ABCA6: variants seen among roughly 807,000 people sequenced by gnomAD.
ABCA6 encodes the protein ATP binding cassette subfamily A member 6.
Under a neutral mutation model 191.2 loss-of-function variants are expected in ABCA6, and 164 were observed. That is an observed-to-expected ratio of 0.86 (90% CI 0.76 to 0.98). ABCA6 has a LOEUF of 0.98. Among genes scored for constraint, ABCA6 ranks in the 50% least tolerant of loss-of-function variants. The pLI, the probability that ABCA6 is intolerant of heterozygous loss-of-function variation, is 0.00. For missense variants in ABCA6, 1,958 were observed against 1,894.1 expected (o/e 1.03, Z -0.63); for synonymous variants, 636 against 647.7 (o/e 0.98, Z 0.27).
Position 69,127,853 on chromosome 17 carries a change from CA to C in ABCA6, c.1119+765del, listed in dbSNP as rs532786788. Among the ~76,000 whole-genome samples the C allele has an allele frequency of 1.4e-4, 22 of 151,992 alleles. No individual in the cohort carries two copies. The East Asian group carries it at 3.9e-3, about 27-fold the overall frequency. On this transcript the variant is annotated intron_variant, in intron 8 of 38. Coordinates refer to ENST00000284425, the MANE Select transcript of ABCA6 (RefSeq NM_080284.3). ...TTGTAGCAGCTTTATTAAAAATGCTCAAAAACTAAAAATTATCATAATCTAT... is the reference window on the plus strand; with the variant it reads ...TTGTAGCAGCTTTATTAAAAATGCTCAAAACTAAAAATTATCATAATCTAT...
Position 69,097,909 on chromosome 17 carries a change from CT to C in ABCA6, c.3120+10del. ...TTCCTGAAATTTCTTCTTTTCCCTGCTTTTTCTTACCTTGTAATCACTGATG... is the reference window on the plus strand; with the variant it reads ...TTCCTGAAATTTCTTCTTTTCCCTGCTTTTCTTACCTTGTAATCACTGATG... On this transcript the variant is annotated intron_variant, in intron 23 of 38. Coordinates refer to ENST00000284425, the MANE Select transcript of ABCA6 (RefSeq NM_080284.3). 6.4e-7 allele frequency: 1 copy of C among 1,559,282 alleles called. No homozygotes were observed. The highest frequency in any genetic ancestry group is 8.7e-7 in the Non-Finnish European group (1 of 1,156,038).
chr17:69,125,257 G>A (rs2073729346), intron 8 of ABCA6, among the ~76,000 whole-genome samples: 1 of 151,508 alleles, frequency 6.6e-6, no homozygotes, highest in Non-Finnish European at 1.5e-5. Context: ...AATGTTCTAA[G>A]TATAATAATT....
intron 15 of ABCA6, chr17:69,112,523 G>A: frequency 2.6e-6 from 1 of 380,726 alleles, no homozygotes; most frequent in East Asian, 4.9e-5. Flanking sequence ...TGGAACTGGA[G>A]TCTATTATCA....
At position 69,105,524 on chromosome 17, in the gene ABCA6, A is replaced by G. The variant is rs2073278939; in HGVS notation, c.2678T>C (p.Phe893Ser). Residue 893 changes from phenylalanine (F) to serine (S), a missense_variant, in exon 20 of 39, where the codon TTT becomes TCT. Coordinates refer to ENST00000284425, the MANE Select transcript of ABCA6 (RefSeq NM_080284.3). ...IDWEFKNELY[F>S]LSPGQLPQEP... Reference sequence around the variant, plus strand: ...CTGGGGAAGTTGTCCAGGAGAGAGAAAATACAATTCGTTTTTAAATTCCCA... The same window carrying G: ...CTGGGGAAGTTGTCCAGGAGAGAGAGAATACAATTCGTTTTTAAATTCCCA... 1.2e-6 allele frequency: 2 copies of G among 1,611,222 alleles called. No homozygotes were observed. Among genetic ancestry groups the G allele is most frequent in the East Asian group, 4.5e-5 (2 of 44,826 alleles).
In ABCA6 at chr17:69,137,320, T is replaced by C; in HGVS notation, c.277A>G (p.Thr93Ala). Reference protein sequence around the residue: ...SNLTQQIMNKTALAPLLKGTS... With the variant: ...SNLTQQIMNKAALAPLLKGTS... ...CCTTTCAAAAGAGGAGCAAGTGCTGTTTTATTCATTATCTGCTGGGTTAAA... is the reference window on the plus strand; with the variant it reads ...CCTTTCAAAAGAGGAGCAAGTGCTGCTTTATTCATTATCTGCTGGGTTAAA... Residue 93 changes from threonine (T) to alanine (A), a missense_variant, in exon 3 of 39, where the codon ACA (threonine) becomes GCA (alanine). Transcript: ENST00000284425. 6.2e-7 allele frequency: 1 copy of C among 1,613,032 alleles called. No homozygotes were observed. The highest frequency in any genetic ancestry group is 8.5e-7 in the Non-Finnish European group (1 of 1,179,642).
At position 69,088,166 on chromosome 17, in the gene ABCA6, C is replaced by T; in HGVS notation, c.3698+1G>A. ...AGTATAAAGTTAAATTTCACCCCAA[C>T]CTGAAAACAGGATCTTTTCGCATTC... is the stretch of plus-strand genomic sequence containing the variant. On this transcript the variant is annotated splice_donor_variant, in intron 28 of 38. Coordinates refer to ENST00000284425, the MANE Select transcript of ABCA6 (RefSeq NM_080284.3). LOFTEE classifies it high-confidence loss of function. The T allele has an allele frequency of 6.2e-7, 1 of 1,609,220 alleles. No individual in the cohort carries two copies. The highest frequency in any genetic ancestry group is 8.5e-7 in the Non-Finnish European group (1 of 1,177,546).
In ABCA6 at chr17:69,106,144, G is replaced by C; in HGVS notation, c.2457C>G (p.Ser819=). The C allele has an allele frequency of 6.2e-7, 1 of 1,613,912 alleles. No individual in the cohort carries two copies. The highest frequency in any genetic ancestry group is 8.5e-7 in the Non-Finnish European group (1 of 1,179,886). Reference sequence around the variant, plus strand: ...TCACAGCTGTCTGCATTTCAGAGAAGGAAGAGTGAGCCAGCTCCATTTCAT... The same window carrying C: ...TCACAGCTGTCTGCATTTCAGAGAACGAAGAGTGAGCCAGCTCCATTTCAT... ...SLNEMELAHS[S]FSEMQTAVSD... Residue 819 remains serine (S), a synonymous_variant, in exon 19 of 39, where the codon TCC becomes TCG. Coordinates refer to ENST00000284425, the MANE Select transcript of ABCA6 (RefSeq NM_080284.3).
intron 36 of ABCA6, 30 bp from the exon 37 acceptor site, chr17:69,081,175 C>A: frequency 7.6e-7 from 1 of 1,313,068 alleles, no homozygotes; most frequent in South Asian, 1.4e-5. Context: ...GTTTTCAGCT[C>A]TGAGTTTCAA....
intron 7 of ABCA6, 81 bp from the exon 8 acceptor site, chr17:69,128,885 AT>A: frequency 9.3e-7 from 1 of 1,071,552 alleles, no homozygotes; most frequent in Non-Finnish European, 1.3e-6. Context: ...TCAAATAAGG[AT>A]TTTTATATCA....
intron 8 of ABCA6, among the ~76,000 whole-genome samples, chr17:69,126,169 T>C (rs1466398827): frequency 6.6e-6 from 1 of 152,106 alleles, no homozygotes; most frequent in East Asian, 1.9e-4. Context: ...ATATTGGGTT[T>C]AGTAAGAGAA....
At chr17:69,140,586 A>G (rs1317978536) in intron 2 of ABCA6, 22 bp downstream of exon 2, 6 of 1,540,606 alleles carry the variant, frequency 3.9e-6, no homozygotes, top group East Asian at 2.3e-5. Context: ...AACCGTGGAA[A>G]GAGACAAATT....
intron 37 of ABCA6, 108 bp from the exon 38 acceptor site, chr17:69,079,373 G>T: frequency 2.6e-6 from 2 of 775,872 alleles, no homozygotes; most frequent in East Asian, 2.8e-5. Flanking sequence ...TATAAATAAA[G>T]CTGAATAAGC....
Position 69,112,234 on chromosome 17 carries a change from G to T in ABCA6, c.2081C>A (p.Ala694Glu). The T allele has an allele frequency of 1.9e-6, 3 of 1,612,430 alleles. No homozygotes were observed. The highest frequency in any genetic ancestry group is 2.5e-6 in the Non-Finnish European group (3 of 1,179,058). The change falls in exon 16 of 39, where the codon GCA becomes GAA. Residue 694 changes from alanine to glutamate, a missense_variant. Transcript: ENST00000284425. The stretch of plus-strand genomic sequence containing the variant: ...TCTTTTCAAAAACATAGAAGAACCT[G>T]CACACTTCAGTCTCCCATTGGACAT... ...VIMSNGRLKC[A>E]GSSMFLKRRW...
At chr17:69,117,865 GA>G in intron 11 of ABCA6, 32 bp downstream of exon 11, 1 of 1,467,622 alleles carries the variant, frequency 6.8e-7, no homozygotes, top group African/African-American at 1.4e-5. Flanking sequence ...AGAAAGAAGT[GA>G]AAGAATGAAA....
intron 10 of ABCA6, among the ~76,000 whole-genome samples, chr17:69,122,747 G>C (rs1246338911): frequency 6.6e-6 from 1 of 151,930 alleles, no homozygotes; most frequent in African/African-American, 2.4e-5. Context: ...ACAAGATGAA[G>C]TGTGGCTGGA....
rs1230962530 is a variant in ABCA6, at chr17:69,137,340, G to A, written c.257C>T (p.Thr86Ile). The A allele has an allele frequency of 6.8e-6, 11 of 1,613,340 alleles. No homozygotes were observed. The Admixed American group carries it at 1.7e-4, about 24-fold the overall frequency. Residue 86 changes from threonine to isoleucine, a missense_variant, in exon 3 of 39, where the codon ACC (threonine) becomes ATC (isoleucine). By Grantham distance (89) the Thr-to-Ile change is moderately conservative. Transcript: ENST00000284425. ...TGCTGTTTTATTCATTATCTGCTGG[G>A]TTAAATTAGATATTGGTGTATACAC... ...MVVYTPISNL[T>I]QQIMNKTALA... is the part of the protein sequence containing the mutation.
Position 69,114,872 on chromosome 17 carries a change from T to C in ABCA6, c.1672A>G (p.Thr558Ala). Residue 558 changes from threonine (T) to alanine (A), a missense_variant, in exon 13 of 39, where the codon ACT (threonine) becomes GCT (alanine). By Grantham distance (58) the Thr-to-Ala change is moderately conservative (BLOSUM62 0). Transcript: ENST00000284425. The part of the protein sequence containing the change: ...MQDLEEIRKI[T>A]GVCPQFNVQF... ...ACATTGAATTGAGGACAGACGCCAG[T>C]TATCTTTCTGATTTCCTCCAAGTCT... is the stretch of plus-strand genomic sequence containing the variant. 2 of 1,612,672 alleles carry C rather than the reference T, an allele frequency of 1.2e-6. No individual in the cohort carries two copies. The highest frequency in any genetic ancestry group is 1.7e-6 in the Non-Finnish European group (2 of 1,179,100).
Position 69,106,067 on chromosome 17 carries a change from A to C in ABCA6, c.2534T>G (p.Phe845Cys). The change falls in exon 19 of 39, where the codon TTC becomes TGC. Residue 845 changes from phenylalanine to cysteine, a missense_variant. By Grantham distance (205) the Phe-to-Cys change is radical. Coordinates refer to ENST00000284425, the MANE Select transcript of ABCA6 (RefSeq NM_080284.3). The part of the protein sequence containing the change: ...MQVFAMARLR[F>C]LKLKRQTKVL... ...TTTAGTTTGACGTTTTAACTTTAAG[A>C]AACGGAGCCGTGCCATGGCAAAGAC... The C allele has an allele frequency of 6.2e-7, 1 of 1,613,234 alleles. No homozygotes were observed. Among genetic ancestry groups the C allele is most frequent in the Non-Finnish European group, 8.5e-7 (1 of 1,179,554 alleles).
In ABCA6 at chr17:69,110,831, A is replaced by G; in HGVS notation, c.2242T>C (p.Leu748=). The change falls in exon 17 of 39, where the codon TTG becomes CTG. Residue 748 remains leucine, a synonymous_variant. Coordinates refer to ENST00000284425, the MANE Select transcript of ABCA6 (RefSeq NM_080284.3). ...AATGTATTTGTCCTTTCCAGTGGCAAAGTATATACAAGCTTTTCTTTGTTT... is the reference window on the plus strand; with the variant it reads ...AATGTATTTGTCCTTTCCAGTGGCAGAGTATATACAAGCTTTTCTTTGTTT... The part of the protein sequence containing the change: ...TENKEKLVYT[L]PLERTNTFPD... 1 of 1,610,356 alleles carries G rather than the reference A, an allele frequency of 6.2e-7. No homozygotes were observed. Among genetic ancestry groups the G allele is most frequent in the Non-Finnish European group, 8.5e-7 (1 of 1,178,288 alleles).
Sources: gnomAD v4.1 joint callset for allele counts (sites outside exome capture counted in the v4.1 genomes callset) on GRCh38, gnomAD v4.1.1 for gene constraint, MANE v1.5 for transcripts, NCBI Gene and HGNC (gene_info 2026-07-23, HGNC 2026-07-21) for gene names.